Variants in ZBTB2 observed in about 807,000 individuals in gnomAD.
The protein encoded by ZBTB2 is zinc finger and BTB domain-containing protein 2.
Under a neutral mutation model 39.5 loss-of-function variants are expected in ZBTB2, and 2 were observed. That is an observed-to-expected ratio of 0.05 (90% CI 0.02 to 0.16). The LOEUF (loss-of-function observed/expected upper bound fraction) is 0.16, where lower values mean the gene tolerates loss of function less well. ZBTB2 is among the 10% of genes least tolerant of loss of function. ZBTB2 has a pLI of 1.00. For synonymous variants in ZBTB2, 251 were observed against 256.6 expected (o/e 0.98, Z 0.21); for missense variants, 391 against 653.0 (o/e 0.60, Z 4.37).
At chr6:151,373,868 A>AAAAAAAC (rs1778842317) in intron 1 of ZBTB2, among the ~76,000 whole-genome samples, 1 of 146,852 alleles carries the variant, frequency 6.8e-6, no homozygotes, top group Non-Finnish European at 1.5e-5. Flanking sequence ...AAAAAAAAAA[A>AAAAAAAC]AAAAAAAAAC....
At chr6:151,369,038 C>A (rs1017799444) in intron 2 of ZBTB2, among the ~76,000 whole-genome samples, 1 of 152,194 alleles carries the variant, frequency 6.6e-6, no homozygotes, top group Non-Finnish European at 1.5e-5. Flanking sequence ...GCTAGGATTA[C>A]AGGCATGAAC....
intron 1 of ZBTB2, among the ~76,000 whole-genome samples, chr6:151,378,593 C>T (rs961400553): frequency 3.3e-5 from 5 of 152,168 alleles, no homozygotes; most frequent in African/African-American, 1.2e-4. Context: ...GGTTATTCTC[C>T]GTAAAGTGCC....
In ZBTB2 at chr6:151,373,480, A is replaced by G. The variant is rs1778831106; in HGVS notation, c.158T>C (p.Phe53Ser). 6.2e-7 allele frequency: 1 copy of G among 1,614,146 alleles called. No individual in the cohort carries two copies. The highest frequency in any genetic ancestry group is 8.5e-7 in the Non-Finnish European group (1 of 1,180,020). ...ASFSNYFKML[F>S]VHQTSECVRL... ...CTTTAGTTACCTGGTCTGATGGACAAACAACATCTTAAAGTAATTGGAGAA... is the reference window on the plus strand; with the variant it reads ...CTTTAGTTACCTGGTCTGATGGACAGACAACATCTTAAAGTAATTGGAGAA... Residue 53 changes from phenylalanine to serine, a missense_variant, in exon 2 of 3, where the codon TTT becomes TCT. Phe to Ser is a radical substitution (Grantham distance 155). Coordinates refer to ENST00000325144, the MANE Select transcript of ZBTB2 (RefSeq NM_020861.3).
intron 1 of ZBTB2, among the ~76,000 whole-genome samples, chr6:151,383,801 G>GCCCCTC (rs1243973372): frequency 6.6e-6 from 1 of 152,038 alleles, no homozygotes; most frequent in African/African-American, 2.4e-5. Context: ...CCCTGCCCCT[G>GCCCCTC]CCCCTCATAA....
chr6:151,382,354 C>G (rs1321922900), intron 1 of ZBTB2, among the ~76,000 whole-genome samples: 1 of 150,886 alleles, frequency 6.6e-6, no homozygotes, highest in East Asian at 2.0e-4. Flanking sequence ...CTCCCGGGTT[C>G]AAGCAATTCT....
chr6:151,373,990 C>T (rs912480777), intron 1 of ZBTB2, among the ~76,000 whole-genome samples: 7 of 152,040 alleles, frequency 4.6e-5, no homozygotes, highest in Middle Eastern at 3.4e-3. Context: ...TTAAGCATCA[C>T]GTCCTGGAGA....
chr6:151,373,051 A>T (rs924179382), intron 2 of ZBTB2, among the ~76,000 whole-genome samples: 1 of 146,598 alleles, frequency 6.8e-6, no homozygotes, highest in Non-Finnish European at 1.5e-5. Flanking sequence ...GCTACTCGGG[A>T]GGCTGAAGCA....
intron 1 of ZBTB2, among the ~76,000 whole-genome samples, chr6:151,389,752 G>A (rs1391677930): frequency 6.6e-6 from 1 of 152,086 alleles, no homozygotes; most frequent in African/African-American, 2.4e-5. Context: ...GCATAATTAG[G>A]AGTTCACGTA....
At chr6:151,380,967 CTT>C (rs1226986211) in intron 1 of ZBTB2, among the ~76,000 whole-genome samples, 3 of 152,224 alleles carry the variant, frequency 2.0e-5, no homozygotes, top group South Asian at 2.1e-4. Context: ...TCTGCTCCCT[CTT>C]TATTTCCTGG....
chr6:151,381,176 C>T (rs1159726147), intron 1 of ZBTB2, among the ~76,000 whole-genome samples: 1 of 152,180 alleles, frequency 6.6e-6, no homozygotes, highest in Non-Finnish European at 1.5e-5. Flanking sequence ...ATCCACCACA[C>T]AACAGCCAGA....
chr6:151,381,024 C>A (rs1779023138), intron 1 of ZBTB2, among the ~76,000 whole-genome samples: 1 of 152,154 alleles, frequency 6.6e-6, no homozygotes, highest in African/African-American at 2.4e-5. Flanking sequence ...AACCAGAAAT[C>A]TCAATTCATC....
Position 151,366,955 on chromosome 6 carries a change from G to A in ZBTB2, c.174-63C>T. The A allele has an allele frequency of 6.7e-7, 1 of 1,482,478 alleles. No individual in the cohort carries two copies. Among genetic ancestry groups the A allele is most frequent in the Non-Finnish European group, 9.0e-7 (1 of 1,113,226 alleles). The allele number at this position is 1,482,478 out of a possible 1,614,324, so 91.8% of individuals were successfully genotyped here. A position where few individuals can be genotyped will look rare whatever the true frequency, so the allele number is the denominator to read the frequency against. ...CAGTCTAGGTGTTAACATAAAGCCT[G>A]AAGAAAAAAATGAATGCTTAAAAAC... On this transcript the variant is annotated intron_variant, in intron 2 of 2. Coordinates refer to ENST00000325144, the MANE Select transcript of ZBTB2 (RefSeq NM_020861.3). This position sits in a 1 kb window ranked among gnomAD's most constrained non-coding sequence, Gnocchi z 7.1.
chr6:151,380,406 C>T (rs1779007359), intron 1 of ZBTB2, among the ~76,000 whole-genome samples: 2 of 152,214 alleles, frequency 1.3e-5, no homozygotes, highest in African/African-American at 4.8e-5. Context: ...ATCTTTCTTT[C>T]CTCTTTTCTC....
intron 1 of ZBTB2, among the ~76,000 whole-genome samples, chr6:151,377,721 T>C (rs550778854): frequency 3.4e-4 from 52 of 151,898 alleles, no homozygotes; most frequent in Non-Finnish European, 5.2e-4. Flanking sequence ...TTAGTAGAGA[T>C]GGGGTTTCAC....
At chr6:151,373,870 A>AAAAAAAAAAAC (rs1778843577) in intron 1 of ZBTB2, among the ~76,000 whole-genome samples, 2 of 123,596 alleles carry the variant, frequency 1.6e-5, no homozygotes, top group South Asian at 2.6e-4. Flanking sequence ...AAAAAAAAAA[A>AAAAAAAAAAAC]AAAAAAACCA....
intron 1 of ZBTB2, among the ~76,000 whole-genome samples, chr6:151,390,720 G>C (rs1436468547): frequency 6.6e-6 from 1 of 151,898 alleles, no homozygotes. Context: ...AGAAGCGCCA[G>C]AGAGGCCGGG....
At chr6:151,384,588 T>A (rs568407479) in intron 1 of ZBTB2, among the ~76,000 whole-genome samples, 202 of 152,320 alleles carry the variant, frequency 1.3e-3, no homozygotes, top group African/African-American at 4.7e-3. Flanking sequence ...CTTCCTAGAC[T>A]TCTTATTTGT....
chr6:151,387,051 A>G (rs977494901), intron 1 of ZBTB2, among the ~76,000 whole-genome samples: 3 of 152,222 alleles, frequency 2.0e-5, no homozygotes, highest in African/African-American at 7.2e-5. Context: ...TGAGTAGTGA[A>G]GAAAATCCAG....
chr6:151,373,675 A>C, intron 1 of ZBTB2, 26 bp from the exon 2 acceptor site: 1 of 1,600,208 alleles, frequency 6.2e-7, no homozygotes. Context: ...TTTTATTTTT[A>C]AGAAGGTGAT....
Sources: allele counts gnomAD v4.1 joint callset (sites outside exome capture counted in the v4.1 genomes callset), GRCh38; gene constraint gnomAD v4.1.1; non-coding constraint Gnocchi (gnomAD v3.1); transcripts MANE v1.5; gene names NCBI Gene and HGNC (gene_info 2026-07-23, HGNC 2026-07-21).